CREBBP: variants seen among roughly 807,000 people sequenced by gnomAD.
The protein encoded by CREBBP is CREB-binding protein.
Under a neutral mutation model 265.0 loss-of-function variants are expected in CREBBP, and 19 were observed. That is an observed-to-expected ratio of 0.07 (90% CI 0.05 to 0.11). The LOEUF is 0.11. Among genes scored for constraint, CREBBP ranks in the 10% least tolerant of loss-of-function variants. The pLI, the probability that CREBBP is intolerant of heterozygous loss-of-function variation, is 1.00. For missense variants in CREBBP, 2,525 were observed against 3,219.0 expected (o/e 0.78, Z 5.22); for synonymous variants, 1,457 against 1,223.7 (o/e 1.19, Z -3.98).
chr16:3,879,702 G>A (rs1409339312), intron 1 of CREBBP, 130 bp downstream of exon 1: 13 of 996,476 alleles, frequency 1.3e-5, no homozygotes, highest in African/African-American at 1.6e-5. Flanking sequence ...GGGGCGAGGG[G>A]AACGGGCTGC....
At chr16:3,817,784 G>A (rs2054066525) in intron 2 of CREBBP, among the ~76,000 whole-genome samples, 1 of 152,318 alleles carries the variant, frequency 6.6e-6, no homozygotes, top group African/African-American at 2.4e-5. Flanking sequence ...CCACTGGGGG[G>A]AGGCAATGGG....
Position 3,731,075 on chromosome 16 carries a change from G to A in CREBBP, c.5172+117C>T, listed in dbSNP as rs1023345316. ...CTTGTGACGCTGTCCTAGTTCTGGA[G>A]GAGTCAGTGCAGCCACCATCAGGTA... On this transcript the variant is annotated intron_variant, in intron 30 of 30. Coordinates refer to ENST00000262367, the MANE Select transcript of CREBBP (RefSeq NM_004380.3). The surrounding 1 kb of genome is among the most constrained non-coding windows in gnomAD (Gnocchi z 7.7). The A allele has an allele frequency of 4.8e-6, 5 of 1,046,310 alleles. No homozygotes were observed. Among genetic ancestry groups the A allele is most frequent in the Admixed American group, 1.8e-5 (1 of 55,150 alleles). 64.8% of individuals were successfully genotyped at this position (1,046,310 alleles called of 1,614,324 possible). A position where few individuals can be genotyped will look rare whatever the true frequency, so the allele number is the denominator to read the frequency against.
At chr16:3,870,105 G>A (rs973691881) in intron 1 of CREBBP, among the ~76,000 whole-genome samples, 38 of 151,944 alleles carry the variant, frequency 2.5e-4, no homozygotes, top group African/African-American at 8.5e-4. Context: ...CCACAAATCG[G>A]GGAAAAATTT....
At chr16:3,760,880 C>T (rs2052701262) in intron 16 of CREBBP, among the ~76,000 whole-genome samples, 1 of 152,214 alleles carries the variant, frequency 6.6e-6, no homozygotes, top group Non-Finnish European at 1.5e-5. Context: ...TCAAGTGATT[C>T]TCCTGCCTCA....
chr16:3,774,037 G>T, intron 12 of CREBBP, 107 bp from the exon 13 acceptor site: 1 of 1,246,930 alleles, frequency 8.0e-7, no homozygotes, highest in Non-Finnish European at 1.2e-6. Context: ...AGGATGGCAA[G>T]CACAGGGCTC....
chr16:3,815,259 T>A (rs938431955), intron 2 of CREBBP, among the ~76,000 whole-genome samples: 1 of 152,106 alleles, frequency 6.6e-6, no homozygotes, highest in African/African-American at 2.4e-5. Flanking sequence ...GATAATAGTT[T>A]GGTAGGCTGG....
chr16:3,847,697 G>A (rs1034492051), intron 2 of CREBBP, among the ~76,000 whole-genome samples: 13 of 152,204 alleles, frequency 8.5e-5, no homozygotes, highest in Admixed American at 8.5e-4. Flanking sequence ...AGCATGAAGT[G>A]TTACAGGTGT....
rs2051860975 is a variant in CREBBP, at chr16:3,729,784, T to C, written c.5263A>G (p.Ser1755Gly). 6.2e-7 allele frequency: 1 copy of C among 1,605,824 alleles called. No individual in the cohort carries two copies. The highest frequency in any genetic ancestry group is 8.5e-7 in the Non-Finnish European group (1 of 1,179,524). Residue 1755 changes from serine to glycine, a missense_variant, in exon 31 of 31, where the codon AGC (serine) becomes GGC (glycine). Transcript: ENST00000262367. ...WGLGLDDEGS[S>G]QGEPQSKSPQ... ...CTCTTTGACTGTGGCTCGCCCTGGC[T>C]GCTGCCCTCGTCATCCAGGCCCAGC...
chr16:3,750,862 G>C (rs2052456579), intron 20 of CREBBP, among the ~76,000 whole-genome samples: 2 of 152,156 alleles, frequency 1.3e-5, no homozygotes, highest in East Asian at 1.9e-4. Context: ...TAAATGTAAA[G>C]GGCAGGGCAT....
intron 1 of CREBBP, among the ~76,000 whole-genome samples, chr16:3,871,783 C>T (rs1741195208): frequency 6.6e-6 from 1 of 152,234 alleles, no homozygotes; most frequent in Non-Finnish European, 1.5e-5. Context: ...AACTCCACTA[C>T]ACAACTACTT....
At position 3,852,165 on chromosome 16, in the gene CREBBP, T is replaced by TG. The variant is rs1295335922; in HGVS notation, c.86-1157_86-1156insC. 6.4e-5 allele frequency among the ~76,000 whole-genome samples: 7 copies of TG among 109,032 alleles called. No individual in the cohort carries two copies. The South Asian group carries it at 1.1e-3, about 17-fold the overall frequency. 71.5% of individuals were successfully genotyped at this position (109,032 alleles called of 152,430 possible). On this transcript the variant is annotated intron_variant, in intron 1 of 30. Coordinates refer to ENST00000262367, the MANE Select transcript of CREBBP (RefSeq NM_004380.3). ...AAGCCAATCTTAAATTTGTTTTTTT[T>TG]TTTTTTTTTTTTTTTTTGAGACAGA...
Position 3,866,556 on chromosome 16 carries a change from T to C in CREBBP, c.85+13276A>G, listed in dbSNP as rs1390862993. ...AATCACAAATATAAAAATAAAACAA[T>C]ACAAAAACATATATACCCCCAAAAT... On this transcript the variant is annotated intron_variant, in intron 1 of 30. Transcript: ENST00000262367. Among the ~76,000 whole-genome samples, 3 of 152,150 alleles carry C rather than the reference T, an allele frequency of 2.0e-5. No homozygotes were observed. The South Asian group carries it at 6.2e-4, about 32-fold the overall frequency.
At chr16:3,815,353 A>G (rs1163687515) in intron 2 of CREBBP, among the ~76,000 whole-genome samples, 1 of 152,040 alleles carries the variant, frequency 6.6e-6, no homozygotes, top group Non-Finnish European at 1.5e-5. Flanking sequence ...CAGCCTGGCC[A>G]ACATGGTGAA....
At chr16:3,867,640 G>A (rs1208659303) in intron 1 of CREBBP, among the ~76,000 whole-genome samples, 1 of 151,826 alleles carries the variant, frequency 6.6e-6, no homozygotes, top group South Asian at 2.1e-4. Context: ...AGCCTGGGCC[G>A]AGCATAGTGG....
intron 1 of CREBBP, among the ~76,000 whole-genome samples, chr16:3,876,399 C>CAAAAAAAAAAAA (rs71133663): frequency 1.0e-3 from 19 of 18,156 alleles, no homozygotes; most frequent in African/African-American, 2.7e-3. Flanking sequence ...TAAAGCTGAC[C>CAAAAAAAAAAAA]AAAAAAAAAA....
rs570857867 is a variant in CREBBP, at chr16:3,756,614, A to T, written c.3698+674T>A. ...AATCACATTCTTGAACTCAATTAAA[A>T]CACCAGATCTCATTTTGTATCGTGC... On this transcript the variant is annotated intron_variant, in intron 19 of 30. Coordinates refer to ENST00000262367, the MANE Select transcript of CREBBP (RefSeq NM_004380.3). Among the ~76,000 whole-genome samples, 32 of 152,324 alleles carry T rather than the reference A, an allele frequency of 2.1e-4. No homozygotes were observed. The South Asian group carries it at 6.6e-3, about 32-fold the overall frequency.
intron 16 of CREBBP, among the ~76,000 whole-genome samples, chr16:3,763,168 ATTT>A (rs111950815): frequency 2.1e-5 from 3 of 141,404 alleles, no homozygotes; most frequent in Non-Finnish European, 1.6e-5. Flanking sequence ...ACTGAAACCA[ATTT>A]TTTTTTTTTT....
At chr16:3,815,254 T>C (rs1322575522) in intron 2 of CREBBP, among the ~76,000 whole-genome samples, 2 of 152,084 alleles carry the variant, frequency 1.3e-5, no homozygotes, top group South Asian at 2.1e-4. Flanking sequence ...TACTTGATAA[T>C]AGTTTGGTAG....
At position 3,731,536 on chromosome 16, in the gene CREBBP, G is replaced by A. The variant is rs1236191434; in HGVS notation, c.4891-63C>T. ...CATGGCACCTCCAGTGGTGAGCTCA[G>A]GGCAGGCGCAGCCACCCAGCCTGCA... is the stretch of plus-strand genomic sequence containing the variant. On this transcript the variant is annotated intron_variant, in intron 29 of 30. Transcript: ENST00000262367. This position sits in a 1 kb window ranked among gnomAD's most constrained non-coding sequence, Gnocchi z 7.7. 6.5e-7 allele frequency: 1 copy of A among 1,546,082 alleles called. No individual in the cohort carries two copies. The highest frequency in any genetic ancestry group is 2.4e-5 in the East Asian group (1 of 41,932).
Sources: gnomAD v4.1 joint callset for allele counts (sites outside exome capture counted in the v4.1 genomes callset) on GRCh38, gnomAD v4.1.1 for gene constraint, Gnocchi (gnomAD v3.1) non-coding constraint, MANE v1.5 for transcripts, NCBI Gene and HGNC (gene_info 2026-07-23, HGNC 2026-07-21) for gene names.